The following PTPRD variants were observed in gnomAD, a reference collection of about 807,000 sequenced individuals.
PTPRD encodes protein tyrosine phosphatase receptor type D.
PTPRD carries 34 observed loss-of-function variants against 214.5 expected under a neutral mutation model. The observed-to-expected ratio is 0.16, with a 90% CI of 0.12 to 0.21. PTPRD has a LOEUF of 0.21. Among genes scored for constraint, PTPRD ranks in the 10% least tolerant of loss-of-function variants. PTPRD has a pLI of 1.00. For synonymous variants in PTPRD, 1,128 were observed against 845.7 expected (o/e 1.33, Z -5.79); for missense variants, 2,545 against 2,398.7 (o/e 1.06, Z -1.27).
chr9:8,675,253 T>G (rs2097377982), intron 12 of PTPRD, among the ~76,000 whole-genome samples: 1 of 152,044 alleles, frequency 6.6e-6, no homozygotes, highest in Non-Finnish European at 1.5e-5. Context: ...AAGCCTCTAG[T>G]TCCTCAAGTG....
At chr9:9,001,208 G>A (rs1292650343) in intron 11 of PTPRD, among the ~76,000 whole-genome samples, 5 of 152,084 alleles carry the variant, frequency 3.3e-5, no homozygotes, top group Admixed American at 2.6e-4. Context: ...TCTAGGTCCT[G>A]GGGTTGCAGC....
At chr9:9,871,408 T>C (rs559761257) in intron 5 of PTPRD, among the ~76,000 whole-genome samples, 3 of 152,324 alleles carry the variant, frequency 2.0e-5, no homozygotes, top group South Asian at 2.1e-4. Flanking sequence ...TTCTCCATTT[T>C]GAATATTTTC....
intron 11 of PTPRD, among the ~76,000 whole-genome samples, chr9:8,983,675 A>ATT (rs140141089): frequency 7.3e-5 from 11 of 150,580 alleles, no homozygotes; most frequent in Non-Finnish European, 1.3e-4. Flanking sequence ...TGCCTGGCTA[A>ATT]TTTTTTTTTC....
At chr9:9,330,748 G>A (rs114872310) in intron 9 of PTPRD, among the ~76,000 whole-genome samples, 2,016 of 151,890 alleles carry the variant, frequency 0.013, 45 homozygotes, top group African/African-American at 0.047. Flanking sequence ...AAAAGTCATT[G>A]AATTTTTGCT....
At chr9:10,067,353 T>C (rs1216702759) in intron 3 of PTPRD, among the ~76,000 whole-genome samples, 1 of 151,880 alleles carries the variant, frequency 6.6e-6, no homozygotes, top group Non-Finnish European at 1.5e-5. Context: ...CAAAGGGTCT[T>C]ACAGATTCTA....
At chr9:8,745,210 T>C (rs1037161483) in intron 11 of PTPRD, among the ~76,000 whole-genome samples, 13 of 152,270 alleles carry the variant, frequency 8.5e-5, no homozygotes, top group African/African-American at 3.1e-4. Flanking sequence ...ATAATGGAAT[T>C]AATAACCTCA....
chr9:8,806,009 A>AAAG (rs1417366463), intron 11 of PTPRD, among the ~76,000 whole-genome samples: 1 of 150,132 alleles, frequency 6.7e-6, no homozygotes, highest in African/African-American at 2.4e-5. Flanking sequence ...AAAAAAAAAA[A>AAAG]AAAGAAAGAA....
At chr9:9,730,578 T>G (rs918646628) in intron 7 of PTPRD, among the ~76,000 whole-genome samples, 3 of 152,160 alleles carry the variant, frequency 2.0e-5, no homozygotes, top group Non-Finnish European at 4.4e-5. Context: ...TAACTATCTA[T>G]GTATAAACTT....
intron 3 of PTPRD, among the ~76,000 whole-genome samples, chr9:10,049,949 C>T (rs903860156): frequency 1.3e-5 from 2 of 152,176 alleles, no homozygotes; most frequent in Non-Finnish European, 2.9e-5. Flanking sequence ...TCATTTATCA[C>T]AATCTAATCA....
At chr9:9,517,145 AT>A (rs1161636178) in intron 8 of PTPRD, among the ~76,000 whole-genome samples, 1 of 152,090 alleles carries the variant, frequency 6.6e-6, no homozygotes, top group African/African-American at 2.4e-5. Flanking sequence ...ACATTTAAAC[AT>A]TCATTTATTT....
At chr9:10,379,095 T>C (rs2097776062) in intron 2 of PTPRD, among the ~76,000 whole-genome samples, 1 of 151,932 alleles carries the variant, frequency 6.6e-6, no homozygotes, top group Non-Finnish European at 1.5e-5. Context: ...TGGCATTCCT[T>C]TTTAAATTTC....
At chr9:9,315,699 G>A (rs1260125506) in intron 9 of PTPRD, among the ~76,000 whole-genome samples, 1 of 151,220 alleles carries the variant, frequency 6.6e-6, no homozygotes, top group African/African-American at 2.4e-5. Context: ...AATATTCCTT[G>A]CCAGTACATA....
intron 5 of PTPRD, among the ~76,000 whole-genome samples, chr9:9,825,970 C>T (rs1351366125): frequency 6.6e-6 from 1 of 151,488 alleles, no homozygotes; most frequent in Non-Finnish European, 1.5e-5. Flanking sequence ...TCCTTAAGTA[C>T]ATGAAATTAG....
At chr9:8,827,149 A>T (rs534800990) in intron 11 of PTPRD, among the ~76,000 whole-genome samples, 4 of 150,084 alleles carry the variant, frequency 2.7e-5, no homozygotes, top group African/African-American at 7.3e-5. Flanking sequence ...TATCATACTA[A>T]ATTGCTAAAA....
chr9:9,136,510 A>G (rs972074542), intron 10 of PTPRD, among the ~76,000 whole-genome samples: 6 of 152,126 alleles, frequency 3.9e-5, no homozygotes, highest in African/African-American at 1.4e-4. Context: ...TATAATCACT[A>G]CTTAGATTCT....
chr9:10,294,744 G>A (rs1323387390), intron 3 of PTPRD, among the ~76,000 whole-genome samples: 1 of 151,814 alleles, frequency 6.6e-6, no homozygotes, highest in Non-Finnish European at 1.5e-5. Context: ...GAAATTAGGT[G>A]GATTGTAATT....
At chr9:8,683,395 A>T (rs528521648) in intron 12 of PTPRD, among the ~76,000 whole-genome samples, 1 of 152,220 alleles carries the variant, frequency 6.6e-6, no homozygotes, top group South Asian at 2.1e-4. Context: ...CAAAAAAAAA[A>T]AAAAAAGTGT....
chr9:8,952,301 A>T (rs889482080), intron 11 of PTPRD, among the ~76,000 whole-genome samples: 2 of 152,038 alleles, frequency 1.3e-5, no homozygotes, highest in East Asian at 3.9e-4. Flanking sequence ...ACCTTGGAAC[A>T]CACAGATAAA....
chr9:10,422,897 C>T (rs898564705), intron 2 of PTPRD, among the ~76,000 whole-genome samples: 35 of 151,942 alleles, frequency 2.3e-4, no homozygotes, highest in African/African-American at 8.0e-4. Flanking sequence ...GACAGTGTGG[C>T]GATTCCTCAA....
Sources: gnomAD v4.1 joint callset for allele counts (sites outside exome capture counted in the v4.1 genomes callset) on GRCh38, gnomAD v4.1.1 for gene constraint, MANE v1.5 for transcripts, NCBI Gene and HGNC (gene_info 2026-07-23, HGNC 2026-07-21) for gene names.